SAMHD1: variants seen among roughly 807,000 people sequenced by gnomAD.
SAMHD1 encodes the protein SAM and HD domain containing deoxynucleoside triphosphate triphosphohydrolase 1, also known as deoxynucleoside triphosphate triphosphohydrolase SAMHD1.
In SAMHD1, 54 loss-of-function variants were observed where a neutral mutation model predicts 79.6. The ratio of observed to expected loss-of-function variants is 0.68; its 90% CI spans 0.55 to 0.85. The LOEUF is 0.85. Ranked by LOEUF, SAMHD1 falls within the 40% of genes least tolerant of loss-of-function variation. The pLI, the probability that SAMHD1 is intolerant of heterozygous loss-of-function variation, is 0.00. For missense variants in SAMHD1, 663 were observed against 782.7 expected (o/e 0.85, Z 1.82); for synonymous variants, 260 against 264.1 (o/e 0.98, Z 0.15).
chr20:36,917,387 C>A (rs914826000), intron 7 of SAMHD1, among the ~76,000 whole-genome samples: 8 of 152,188 alleles, frequency 5.3e-5, no homozygotes, highest in Non-Finnish European at 7.3e-5. Flanking sequence ...GGCATGGTGG[C>A]TCACGCCTGT....
At chr20:36,914,318 A>C (rs1001379365) in intron 9 of SAMHD1, among the ~76,000 whole-genome samples, 3 of 151,930 alleles carry the variant, frequency 2.0e-5, no homozygotes, top group African/African-American at 7.3e-5. Flanking sequence ...CTTAATGAAT[A>C]GTAAATATAC....
intron 15 of SAMHD1, among the ~76,000 whole-genome samples, chr20:36,896,011 G>C (rs1990190817): frequency 6.6e-6 from 1 of 151,996 alleles, no homozygotes; most frequent in Non-Finnish European, 1.5e-5. Flanking sequence ...GATATGTATA[G>C]GTCATATGCA....
At chr20:36,915,511 T>G (rs2063469168) in intron 9 of SAMHD1, among the ~76,000 whole-genome samples, 1 of 150,110 alleles carries the variant, frequency 6.7e-6, no homozygotes, top group African/African-American at 2.5e-5. Context: ...CTGAAGCGGG[T>G]GGATCACTTG....
intron 11 of SAMHD1, among the ~76,000 whole-genome samples, chr20:36,909,680 C>CAAAAAAA (rs56389967): frequency 1.7e-5 from 2 of 121,210 alleles, no homozygotes; most frequent in Non-Finnish European, 3.2e-5. Flanking sequence ...CACCCCCCTC[C>CAAAAAAA]AAAAAAAAAA....
chr20:36,897,724 T>C, intron 15 of SAMHD1, 98 bp downstream of exon 15: 1 of 1,352,084 alleles, frequency 7.4e-7, no homozygotes, highest in Non-Finnish European at 1.1e-6. Flanking sequence ...ACCAAATGAC[T>C]ATAACTTAAA....
intron 6 of SAMHD1, among the ~76,000 whole-genome samples, chr20:36,923,898 A>G (rs377415456): frequency 2.6e-5 from 4 of 152,308 alleles, no homozygotes; most frequent in South Asian, 4.1e-4. Context: ...TTGAGGACAC[A>G]TTTACAAATT....
chr20:36,941,101 C>T lies in SAMHD1; in HGVS notation c.286G>A (p.Glu96Lys). The change falls in exon 3 of 16, where the codon GAG becomes AAG. Residue 96 changes from glutamate (E) to lysine (K), a missense_variant. Coordinates refer to ENST00000646673, the MANE Select transcript of SAMHD1 (RefSeq NM_015474.4). The part of the protein sequence containing the change: ...FENLGVSSLG[E>K]RKKLLSYIQR... ...ATATAACTAAGCAGCTTCTTCCTCTCCCCCAAGGAACTAAAATTACAATAG... is the reference window on the plus strand; with the variant it reads ...ATATAACTAAGCAGCTTCTTCCTCTTCCCCAAGGAACTAAAATTACAATAG... The T allele has an allele frequency of 6.2e-7, 1 of 1,611,502 alleles. No homozygotes were observed. The highest frequency in any genetic ancestry group is 8.5e-7 in the Non-Finnish European group (1 of 1,177,868).
chr20:36,919,077 A>G (rs760298538), intron 7 of SAMHD1, among the ~76,000 whole-genome samples: 1 of 152,164 alleles, frequency 6.6e-6, no homozygotes, highest in Non-Finnish European at 1.5e-5. Context: ...TGGAAGTTGC[A>G]GTGAGCTGAG....
At chr20:36,922,192 T>C (rs1207704900) in intron 6 of SAMHD1, among the ~76,000 whole-genome samples, 1 of 152,228 alleles carries the variant, frequency 6.6e-6, no homozygotes, top group African/African-American at 2.4e-5. Flanking sequence ...ATGCAATGTG[T>C]AATTCTGGAC....
intron 10 of SAMHD1, 64 bp from the exon 11 acceptor site, chr20:36,911,397 C>G: frequency 1.0e-6 from 1 of 995,624 alleles, no homozygotes; most frequent in Non-Finnish European, 1.6e-6. Flanking sequence ...TTATGTCTTA[C>G]TTAAGGAAAT....
intron 4 of SAMHD1, among the ~76,000 whole-genome samples, chr20:36,933,317 A>G (rs1191056950): frequency 6.6e-6 from 1 of 152,224 alleles, no homozygotes; most frequent in Non-Finnish European, 1.5e-5. Flanking sequence ...TGTATGTAAC[A>G]GAGGCATCGC....
intron 11 of SAMHD1, among the ~76,000 whole-genome samples, chr20:36,909,707 A>G (rs2063426006): frequency 6.8e-6 from 1 of 147,006 alleles, no homozygotes; most frequent in African/African-American, 2.5e-5. Flanking sequence ...AAAAAAAAGA[A>G]CCACCTTTAC....
intron 1 of SAMHD1, chr20:36,947,053 G>C (rs2063691131): frequency 2.7e-6 from 1 of 372,446 alleles, no homozygotes; most frequent in African/African-American, 2.1e-5. Context: ...TTAGTTCCAA[G>C]AAAAACCAGT....
intron 7 of SAMHD1, among the ~76,000 whole-genome samples, chr20:36,917,428 C>T (rs547593388): frequency 1.3e-5 from 2 of 152,180 alleles, no homozygotes; most frequent in South Asian, 2.1e-4. Flanking sequence ...CCGAGGAGGG[C>T]GGATCACGAG....
Position 36,941,067 on chromosome 20 carries a change from A to G in SAMHD1, c.320T>C (p.Leu107Ser). 1 of 1,613,678 alleles carries G rather than the reference A, an allele frequency of 6.2e-7. No individual in the cohort carries two copies. Among genetic ancestry groups the G allele is most frequent in the Non-Finnish European group, 8.5e-7 (1 of 1,179,732 alleles). Residue 107 changes from leucine (L) to serine (S), a missense_variant, in exon 3 of 16, where the codon TTG (leucine) becomes TCG (serine). Coordinates refer to ENST00000646673, the MANE Select transcript of SAMHD1 (RefSeq NM_015474.4). ...RKKLLSYIQR[L>S]VQIHVDTMKV... ...CATTGTATCAACGTGGATTTGAACC[A>G]ATCGCTGGATATAACTAAGCAGCTT...
chr20:36,938,070 T>C (rs1168003136), intron 3 of SAMHD1, among the ~76,000 whole-genome samples: 1 of 152,080 alleles, frequency 6.6e-6, no homozygotes, highest in Non-Finnish European at 1.5e-5. Context: ...TTTCACCATG[T>C]TGCCCAGGCT....
intron 3 of SAMHD1, among the ~76,000 whole-genome samples, chr20:36,939,164 G>A (rs1222271872): frequency 7.3e-6 from 1 of 136,452 alleles, no homozygotes; most frequent in African/African-American, 2.8e-5. Flanking sequence ...TGAGGCAGGA[G>A]AACTGCTTGA....
rs1449929312 is a variant in SAMHD1, at chr20:36,922,265, A to G, written c.697-2746T>C. On this transcript the variant is annotated intron_variant, in intron 6 of 15. Coordinates refer to ENST00000646673, the MANE Select transcript of SAMHD1 (RefSeq NM_015474.4). ...ACAATTGGTAAAATTTGAAAGTCTG[A>G]ATTAGATAAGAGTACTGCATCAACA... is the stretch of plus-strand genomic sequence containing the variant. 3.3e-5 allele frequency among the ~76,000 whole-genome samples: 5 copies of G among 152,368 alleles called. No individual in the cohort carries two copies. In the East Asian group the frequency reaches 9.6e-4, roughly 29 times the overall value.
rs1038759866 is a variant in SAMHD1, at chr20:36,917,000, A to G, written c.902T>C (p.Val301Ala). Residue 301 changes from valine (V) to alanine (A), a missense_variant, in exon 8 of 16, where the codon GTA (valine) becomes GCA (alanine). Physicochemically the swap from Val to Ala is moderately conservative, Grantham distance 64. Transcript: ENST00000646673. ...ATCAATGCCATTTCTTTTATTAGAT[A>G]CTATCTCATAAAGGAAGCTTTTGTT... The part of the protein sequence containing the change: ...PENKSFLYEI[V>A]SNKRNGIDVD... 7.4e-6 allele frequency: 12 copies of G among 1,613,950 alleles called. No individual in the cohort carries two copies. The highest frequency in any genetic ancestry group is 1.0e-5 in the Non-Finnish European group (12 of 1,179,950).
Sources: gnomAD v4.1 joint callset for allele counts (sites outside exome capture counted in the v4.1 genomes callset) on GRCh38, gnomAD v4.1.1 for gene constraint, MANE v1.5 for transcripts, NCBI Gene and HGNC (gene_info 2026-07-23, HGNC 2026-07-21) for gene names.